The following CFAP74 variants were observed in gnomAD, a reference collection of about 807,000 sequenced individuals.
The protein encoded by CFAP74 is cilia and flagella associated protein 74.
In CFAP74, 124 loss-of-function variants were observed where a neutral mutation model predicts 188.9. The ratio of observed to expected loss-of-function variants is 0.66; its 90% CI spans 0.57 to 0.76. The LOEUF (loss-of-function observed/expected upper bound fraction) is 0.76, where lower values mean the gene tolerates loss of function less well. CFAP74 is among the 30% of genes least tolerant of loss of function. The pLI is 0.00. For synonymous variants in CFAP74, 956 were observed against 916.7 expected (o/e 1.04, Z -0.77); for missense variants, 2,198 against 2,165.2 (o/e 1.02, Z -0.30).
intron 10 of CFAP74, among the ~76,000 whole-genome samples, chr1:1,970,214 G>A (rs1310921689): frequency 4.6e-5 from 7 of 152,234 alleles, no homozygotes; most frequent in East Asian, 1.9e-4. Context: ...CCCCAAGGCC[G>A]TGGCAGCAGG....
At chr1:1,952,513 T>C (rs897134510) in intron 18 of CFAP74, among the ~76,000 whole-genome samples, 59 of 145,522 alleles carry the variant, frequency 4.1e-4, no homozygotes, top group African/African-American at 1.3e-3. Context: ...AGACCAAAAC[T>C]GTATAACACA....
chr1:1,967,992 G>GAA (rs1655593275), intron 11 of CFAP74, among the ~76,000 whole-genome samples: 156 of 138,128 alleles, frequency 1.1e-3, no homozygotes, highest in African/African-American at 3.2e-3. Context: ...GAATGAATGA[G>GAA]TGAATGAGTG....
chr1:1,968,829 A>T lies in CFAP74; in HGVS notation c.1051T>A (p.Phe351Ile). The T allele has an allele frequency of 6.2e-7, 1 of 1,613,836 alleles. No homozygotes were observed. Among genetic ancestry groups the T allele is most frequent in the Non-Finnish European group, 8.5e-7 (1 of 1,179,930 alleles). The change falls in exon 11 of 39, where the codon TTT becomes ATT. Residue 351 changes from phenylalanine to isoleucine, a missense_variant. By Grantham distance (21) the Phe-to-Ile change is conservative. Transcript: ENST00000682832. This position sits in a 1 kb window ranked among gnomAD's most constrained non-coding sequence, Gnocchi z 4.3. Reference protein sequence around the residue: ...RQELEAQKRAFEEEQKLRKQE... With the variant: ...RQELEAQKRAIEEEQKLRKQE... ...TTTCTGAGCTTCTGCTCCTCCTCAA[A>T]GGCCCTGCGTGGAGTCGCTTCTCAG...
At position 1,968,874 on chromosome 1, in the gene CFAP74, T is replaced by C; in HGVS notation, c.1047-41A>G. The C allele has an allele frequency of 1.9e-6, 3 of 1,593,156 alleles. No homozygotes were observed. The highest frequency in any genetic ancestry group is 2.6e-6 in the Non-Finnish European group (3 of 1,165,038). On this transcript the variant is annotated intron_variant, in intron 10 of 38. Transcript: ENST00000682832. This position sits in a 1 kb window ranked among gnomAD's most constrained non-coding sequence, Gnocchi z 4.3. ...TCTCAGATGAGTGCAAGAGGTCCCC[T>C]GCCTCCACCTTGCCCCAGATGAGAC...
intron 20 of CFAP74, among the ~76,000 whole-genome samples, chr1:1,945,867 G>A (rs1653721293): frequency 6.8e-6 from 1 of 148,122 alleles, no homozygotes; most frequent in South Asian, 2.2e-4. Flanking sequence ...CTGCGTGTGT[G>A]CACGTGTGTG....
In CFAP74 at chr1:1,929,873, C is replaced by A. The variant is rs191149455; in HGVS notation, c.3288+187G>T. 1.1e-3 allele frequency among the ~76,000 whole-genome samples: 164 copies of A among 152,178 alleles called. 1 individual carries two copies. The highest frequency in any genetic ancestry group is 3.6e-3 in the African/African-American group (151 of 41,514). On this transcript the variant is annotated intron_variant, in intron 26 of 38. Transcript: ENST00000682832. ...CCCCCCCGATGGGGGTGGCCTTGGGCCCCCATGCACATTGGCCATGGATCC... is the reference window on the plus strand; with the variant it reads ...CCCCCCCGATGGGGGTGGCCTTGGGACCCCATGCACATTGGCCATGGATCC...
At position 1,938,459 on chromosome 1, in the gene CFAP74, C is replaced by T. The variant is rs138590359; in HGVS notation, c.3011+396G>A. On this transcript the variant is annotated intron_variant, in intron 25 of 38. Coordinates refer to ENST00000682832, the MANE Select transcript of CFAP74 (RefSeq NM_001304360.2). ...CTGCAGGCTCACACACACACTCCCACAGGCTCACACACACACAGGCTCACA... is the reference window on the plus strand; with the variant it reads ...CTGCAGGCTCACACACACACTCCCATAGGCTCACACACACACAGGCTCACA... Among the ~76,000 whole-genome samples the T allele has an allele frequency of 2.1e-3, 313 of 146,510 alleles. 2 individuals are homozygous for T. Among genetic ancestry groups the T allele is most frequent in the Non-Finnish European group, 3.6e-3 (243 of 67,172 alleles).
intron 6 of CFAP74, among the ~76,000 whole-genome samples, chr1:1,980,558 G>A (rs1210340381): frequency 1.3e-5 from 2 of 152,264 alleles, no homozygotes; most frequent in East Asian, 3.9e-4. Context: ...GGGAGGTGGT[G>A]TGAGCGGGCA....
At chr1:1,936,641 C>T (rs1450568214) in intron 25 of CFAP74, among the ~76,000 whole-genome samples, 4 of 152,122 alleles carry the variant, frequency 2.6e-5, no homozygotes, top group Non-Finnish European at 4.4e-5. Flanking sequence ...CAGTGGCTCA[C>T]GCCTGTCATC....
chr1:1,991,757 T>G (rs578119711), intron 1 of CFAP74, among the ~76,000 whole-genome samples: 1 of 152,202 alleles, frequency 6.6e-6, no homozygotes, highest in East Asian at 1.9e-4. Flanking sequence ...TGCCTGAGAT[T>G]GGCTGGGCGT....
chr1:1,966,212 G>A (rs1655456184), intron 12 of CFAP74, among the ~76,000 whole-genome samples, 159 bp downstream of exon 12: 1 of 152,130 alleles, frequency 6.6e-6, no homozygotes, highest in Admixed American at 6.5e-5. Flanking sequence ...AGGGAGGCGG[G>A]GGGCGTCCAC....
chr1:1,987,004 C>A lies in CFAP74; in HGVS notation c.328G>T (p.Asp110Tyr). The A allele has an allele frequency of 6.2e-7, 1 of 1,601,024 alleles. No individual in the cohort carries two copies. The highest frequency in any genetic ancestry group is 1.1e-5 in the South Asian group (1 of 90,960). ...GCCTCCTGCTGCTTGTCGATCAGGT[C>A]CCGCCTCTGCCGACAGGCGCGCAGC... ...GELRACRQRR[D>Y]LIDKQQEAVA... The change falls in exon 5 of 39, where the codon GAC becomes TAC. Residue 110 changes from aspartate (D) to tyrosine (Y), a missense_variant. Transcript: ENST00000682832.
At chr1:1,936,923 T>A (rs958468351) in intron 25 of CFAP74, among the ~76,000 whole-genome samples, 6 of 139,454 alleles carry the variant, frequency 4.3e-5, no homozygotes, top group East Asian at 2.1e-4. Flanking sequence ...AAAAAAAAAA[T>A]TAAAATGTAA....
intron 25 of CFAP74, among the ~76,000 whole-genome samples, chr1:1,931,804 T>C (rs1224213631): frequency 1.3e-5 from 2 of 148,164 alleles, no homozygotes; most frequent in Non-Finnish European, 3.0e-5. Context: ...GACTCACGCC[T>C]ATAATCCCAG....
chr1:1,966,547 A>G (rs539771571), intron 11 of CFAP74, 21 bp from the exon 12 acceptor site: 10 of 1,510,854 alleles, frequency 6.6e-6, no homozygotes, highest in Non-Finnish European at 8.9e-6. Context: ...GGAGAGGAAC[A>G]TCGCAAAGAC....
At chr1:1,993,452 A>C (rs1657714840) in intron 1 of CFAP74, among the ~76,000 whole-genome samples, 1 of 151,080 alleles carries the variant, frequency 6.6e-6, no homozygotes, top group Non-Finnish European at 1.5e-5. Flanking sequence ...CACCCAACTG[A>C]TTTTTGTATT....
chr1:1,935,734 A>G (rs1390999885), intron 25 of CFAP74, among the ~76,000 whole-genome samples: 1 of 152,064 alleles, frequency 6.6e-6, no homozygotes, highest in South Asian at 2.1e-4. Context: ...AAGTAGGATA[A>G]AAGTCTAAGA....
In CFAP74 at chr1:1,970,718, C is replaced by T. The variant is rs201253726; in HGVS notation, c.987G>A (p.Arg329=). The T allele has an allele frequency of 6.2e-7, 1 of 1,614,120 alleles. No homozygotes were observed. The highest frequency in any genetic ancestry group is 8.5e-7 in the Non-Finnish European group (1 of 1,179,992). Residue 329 remains arginine (R), a synonymous_variant, in exon 10 of 39, where the codon AGG becomes AGA. Coordinates refer to ENST00000682832, the MANE Select transcript of CFAP74 (RefSeq NM_001304360.2). Reference sequence around the variant, plus strand: ...GGTGGACAAGGTGCCTGAATGCATCCCTGCCCTGGGCCAGAATCGCCTTCT... The same window carrying T: ...GGTGGACAAGGTGCCTGAATGCATCTCTGCCCTGGGCCAGAATCGCCTTCT... ...AEKKAILAQG[R]DAFRHLVHQR...
rs772062246 is a variant in CFAP74 at position 1,939,736 on chromosome 1, A to G, written c.2735T>C (p.Ile912Thr). The G allele has an allele frequency of 9.8e-6, 15 of 1,536,084 alleles. No homozygotes were observed. The highest frequency in any genetic ancestry group is 1.4e-5 in the African/African-American group (1 of 73,154). ...NKPVGFTVHA[I>T]VTTSDLELSP... ...GAGCTCCAGGTCCGAGGTGGTGACAATGGCATGCACGGTGAATCCCACTGG... is the reference window on the plus strand; with the variant it reads ...GAGCTCCAGGTCCGAGGTGGTGACAGTGGCATGCACGGTGAATCCCACTGG... Residue 912 changes from isoleucine (I) to threonine (T), a missense_variant, in exon 24 of 39, where the codon ATT (isoleucine) becomes ACT (threonine). Ile to Thr is a moderately conservative substitution (Grantham distance 89). Transcript: ENST00000682832.
Sources: gnomAD v4.1 joint callset for allele counts (sites outside exome capture counted in the v4.1 genomes callset) on GRCh38, gnomAD v4.1.1 for gene constraint, Gnocchi (gnomAD v3.1) non-coding constraint, MANE v1.5 for transcripts, NCBI Gene and HGNC (gene_info 2026-07-23, HGNC 2026-07-21) for gene names.